The following ARAP2 variants were observed in gnomAD, a reference collection of about 807,000 sequenced individuals.
The protein encoded by ARAP2 is ArfGAP with RhoGAP domain, ankyrin repeat and PH domain 2.
Under a neutral mutation model 194.5 loss-of-function variants are expected in ARAP2, and 148 were observed. That is an observed-to-expected ratio of 0.76 (90% CI 0.67 to 0.87). The LOEUF is 0.87. ARAP2 is among the 40% of genes least tolerant of loss of function. The pLI is 0.00. For missense variants in ARAP2, 2,128 were observed against 1,989.7 expected, an observed-to-expected ratio of 1.07 and a Z score of -1.32; for synonymous variants, 695 against 683.5, an observed-to-expected ratio of 1.02 and a Z score of -0.26.
chr4:36,191,914 T>C (rs1054493100), intron 7 of ARAP2, among the ~76,000 whole-genome samples: 1 of 152,154 alleles, frequency 6.6e-6, no homozygotes, highest in African/African-American at 2.4e-5. Context: ...AGAGACATGA[T>C]TGGCGGCCTC....
Position 36,165,063 on chromosome 4 carries a change from T to C in ARAP2, c.2024A>G (p.Gln675Arg). The C allele has an allele frequency of 6.2e-7, 1 of 1,614,136 alleles. No homozygotes were observed. Among genetic ancestry groups the C allele is most frequent in the Non-Finnish European group, 8.5e-7 (1 of 1,179,952 alleles). The change falls in exon 11 of 33, where the codon CAG (glutamine) becomes CGG (arginine). Residue 675 changes from glutamine (Q) to arginine (R), a missense_variant. By Grantham distance (43) the Gln-to-Arg change is conservative. Coordinates refer to ENST00000303965, the MANE Select transcript of ARAP2 (RefSeq NM_015230.4). ...KEKQDWIEAV[Q>R]QSIAETLSDY... is the part of the protein sequence containing the mutation. The stretch of plus-strand genomic sequence containing the variant: ...AGAGAGAGTTTCTGCTATTGATTGC[T>C]GCACAGCTTCAATCCAGTCTTGTTT...
intron 5 of ARAP2, among the ~76,000 whole-genome samples, chr4:36,027,796 C>T (rs1271134168): frequency 1.3e-5 from 2 of 152,058 alleles, no homozygotes; most frequent in Non-Finnish European, 2.9e-5. Context: ...GTCTAATGTG[C>T]AATAAATTAT....
intron 1 of ARAP2, among the ~76,000 whole-genome samples, chr4:36,231,545 T>G (rs1234046710): frequency 6.6e-6 from 1 of 152,204 alleles, no homozygotes; most frequent in Admixed American, 6.5e-5. Context: ...TCAGCCACTT[T>G]AGAATTTACA....
intron 27 of ARAP2, among the ~76,000 whole-genome samples, chr4:36,104,327 T>C (rs1247110606): frequency 1.3e-5 from 2 of 151,972 alleles, no homozygotes; most frequent in African/African-American, 4.8e-5. Flanking sequence ...ATTTCTGAGA[T>C]GATTCTAGTT....
chr4:36,227,975 C>A (rs372876652), intron 2 of ARAP2, among the ~76,000 whole-genome samples: 10 of 152,228 alleles, frequency 6.6e-5, no homozygotes, highest in Non-Finnish European at 8.8e-5. Flanking sequence ...GGTAGAGCCC[C>A]TCTTTGGGGT....
intron 8 of ARAP2, among the ~76,000 whole-genome samples, chr4:36,180,546 G>A (rs750125913): frequency 6.6e-5 from 10 of 152,146 alleles, no homozygotes; most frequent in East Asian, 5.8e-4. Flanking sequence ...TTAGTTTCAC[G>A]TAAGATATTC....
At chr4:36,197,116 A>G (rs1262230982) in intron 6 of ARAP2, among the ~76,000 whole-genome samples, 1 of 151,784 alleles carries the variant, frequency 6.6e-6, no homozygotes, top group Non-Finnish European at 1.5e-5. Context: ...TCTTTTTGCA[A>G]AATACGCATT....
At chr4:36,110,305 A>G (rs1719589914) in intron 26 of ARAP2, among the ~76,000 whole-genome samples, 1 of 151,944 alleles carries the variant, frequency 6.6e-6, no homozygotes, top group Admixed American at 6.6e-5. Context: ...ACAGCAGTTT[A>G]TGTGTCAGTC....
At chr4:36,145,279 A>C (rs931923726) in intron 19 of ARAP2, among the ~76,000 whole-genome samples, 2 of 151,996 alleles carry the variant, frequency 1.3e-5, no homozygotes, top group Non-Finnish European at 2.9e-5. Flanking sequence ...GAATCAACTC[A>C]AGTGCCGATC....
chr4:36,187,401 T>C (rs866648479), intron 8 of ARAP2, 50 bp downstream of exon 8: 3 of 1,050,278 alleles, frequency 2.9e-6, no homozygotes, highest in Non-Finnish European at 3.9e-6. Flanking sequence ...TTTATTAATA[T>C]GATTAGTCAG....
At chr4:36,156,462 A>AAAG (rs112104847) in intron 15 of ARAP2, among the ~76,000 whole-genome samples, 4 of 5,176 alleles carry the variant, frequency 7.7e-4, no homozygotes, top group African/African-American at 3.1e-3. Flanking sequence ...AGAAAGAAAG[A>AAAG]AAGAAATGAA....
intron 5 of ARAP2, among the ~76,000 whole-genome samples, chr4:36,036,425 GT>G (rs1265034183): frequency 6.6e-6 from 1 of 151,546 alleles, no homozygotes. Flanking sequence ...TTTTGATGTT[GT>G]TTTGATGTTG....
intron 9 of ARAP2, among the ~76,000 whole-genome samples, chr4:36,008,886 G>C (rs1713855388): frequency 6.6e-6 from 1 of 152,006 alleles, no homozygotes; most frequent in African/African-American, 2.4e-5. Flanking sequence ...ATTGGGCAAA[G>C]GACAAGAGCA....
chr4:36,078,988 A>G (rs1025373491), intron 31 of ARAP2, among the ~76,000 whole-genome samples: 2 of 152,036 alleles, frequency 1.3e-5, no homozygotes, highest in African/African-American at 4.8e-5. Context: ...AACCTGCCCA[A>G]CATGGTGAAA....
chr4:36,209,132 T>C (rs1218522199), intron 6 of ARAP2, among the ~76,000 whole-genome samples: 1 of 152,166 alleles, frequency 6.6e-6, no homozygotes, highest in Non-Finnish European at 1.5e-5. Flanking sequence ...AGTCTGTTTT[T>C]TCTTCCAGTG....
At chr4:36,157,431 A>G (rs1367721935) in intron 15 of ARAP2, 1 of 152,086 alleles carries the variant, frequency 6.6e-6, no homozygotes, top group Non-Finnish European at 1.5e-5. Context: ...GGTTAGGCTG[A>G]GTAAAGGATG....
chr4:36,144,606 C>A (rs1016192837), intron 19 of ARAP2, among the ~76,000 whole-genome samples: 1 of 151,802 alleles, frequency 6.6e-6, no homozygotes, highest in Non-Finnish European at 1.5e-5. Flanking sequence ...ATCTAATCAG[C>A]AATATGCTCG....
rs577436838 is a variant in ARAP2 at position 36,115,751 on chromosome 4, G to A, written c.4038+1310C>T. ...CCATGGGTTGAGGTAATAATTAGCA[G>A]AGATAAATGTAACTAAAGGGTTTTG... On this transcript the variant is annotated intron_variant, in intron 25 of 32. Coordinates refer to ENST00000303965, the MANE Select transcript of ARAP2 (RefSeq NM_015230.4). Among the ~76,000 whole-genome samples, 18 of 152,102 alleles carry A rather than the reference G, an allele frequency of 1.2e-4. No individual in the cohort carries two copies. In the South Asian group the frequency reaches 3.5e-3, roughly 30 times the overall value.
chr4:36,243,783 G>C (rs557847480), intron 1 of ARAP2: 1 of 152,344 alleles, frequency 6.6e-6, no homozygotes, highest in Non-Finnish European at 1.5e-5. Context: ...TCGTCTTAAC[G>C]TGGTTAACAA....
Sources: gnomAD v4.1 joint callset for allele counts (sites outside exome capture counted in the v4.1 genomes callset) on GRCh38, gnomAD v4.1.1 for gene constraint, MANE v1.5 for transcripts, NCBI Gene and HGNC (gene_info 2026-07-23, HGNC 2026-07-21) for gene names.